CDK6: variants seen among roughly 807,000 people sequenced by gnomAD.
The protein encoded by CDK6 is cyclin dependent kinase 6, also known as cyclin-dependent kinase 6.
In CDK6, 6 loss-of-function variants were observed where a neutral mutation model predicts 37.1. That is an observed-to-expected ratio of 0.16 (90% CI 0.09 to 0.32). CDK6 has a LOEUF of 0.32. Ranked by LOEUF, CDK6 falls within the 10% of genes least tolerant of loss-of-function variation. The pLI is 1.00. For synonymous variants in CDK6, 160 were observed against 161.3 expected, an observed-to-expected ratio of 0.99 and a Z score of 0.06; for missense variants, 224 against 418.9, an observed-to-expected ratio of 0.53 and a Z score of 4.06.
intron 4 of CDK6, among the ~76,000 whole-genome samples, chr7:92,686,206 G>T (rs935636277): frequency 6.6e-6 from 1 of 152,084 alleles, no homozygotes; most frequent in Non-Finnish European, 1.5e-5. Context: ...CTTTAGCGGT[G>T]ATTTCTGATT....
intron 5 of CDK6, among the ~76,000 whole-genome samples, chr7:92,635,311 GA>G (rs1796144861): frequency 6.6e-6 from 1 of 152,174 alleles, no homozygotes; most frequent in African/African-American, 2.4e-5. Flanking sequence ...GAACAAGGGA[GA>G]AGCACTTTAC....
At chr7:92,623,179 T>C (rs375033332) in intron 5 of CDK6, 93 bp from the exon 6 acceptor site, 15 of 854,226 alleles carry the variant, frequency 1.8e-5, no homozygotes, top group African/African-American at 6.8e-5. Context: ...GGAAGCAAAA[T>C]ATTCTTTATG....
intron 2 of CDK6, among the ~76,000 whole-genome samples, chr7:92,814,557 A>C (rs1212382013): frequency 7.3e-6 from 1 of 136,282 alleles, no homozygotes; most frequent in Non-Finnish European, 1.5e-5. Flanking sequence ...CTGAATTGCA[A>C]AAAAAAAAAA....
intron 4 of CDK6, among the ~76,000 whole-genome samples, chr7:92,686,932 G>A (rs1047171689): frequency 6.6e-6 from 1 of 152,058 alleles, no homozygotes; most frequent in African/African-American, 2.4e-5. Flanking sequence ...TTGGAGAACT[G>A]TCTATTCATG....
At chr7:92,799,246 C>T (rs987789221) in intron 2 of CDK6, among the ~76,000 whole-genome samples, 1 of 152,182 alleles carries the variant, frequency 6.6e-6, no homozygotes, top group Non-Finnish European at 1.5e-5. Flanking sequence ...TCTTTCTCTT[C>T]CAGCGAGATC....
intron 3 of CDK6, among the ~76,000 whole-genome samples, chr7:92,726,725 T>C (rs950885945): frequency 6.6e-6 from 1 of 152,216 alleles, no homozygotes; most frequent in Non-Finnish European, 1.5e-5. Context: ...TCAACTGTTT[T>C]AGAATATTAA....
At chr7:92,777,461 G>T (rs1246804997) in intron 2 of CDK6, among the ~76,000 whole-genome samples, 1 of 152,186 alleles carries the variant, frequency 6.6e-6, no homozygotes, top group East Asian at 1.9e-4. Flanking sequence ...GGTCAGACTG[G>T]TCTCAAACTC....
At position 92,834,221 on chromosome 7, in the gene CDK6, C is replaced by T. The variant is rs1444924654; in HGVS notation, c.-367-531G>A. ...GGCCGCAGAATGTGGGTGGGGGCTC[C>T]CAGGACCCTGTAACCCGATGCTGGG... is the stretch of plus-strand genomic sequence containing the variant. On this transcript the variant is annotated intron_variant, in intron 1 of 7. Transcript: ENST00000424848. This position sits in a 1 kb window ranked among gnomAD's most constrained non-coding sequence, Gnocchi z 4.6. 1.3e-5 allele frequency among the ~76,000 whole-genome samples: 2 copies of T among 152,190 alleles called. No homozygotes were observed. The highest frequency in any genetic ancestry group is 1.9e-4 in the East Asian group (1 of 5,156).
At chr7:92,689,528 A>C (rs1304716811) in intron 4 of CDK6, among the ~76,000 whole-genome samples, 2 of 152,232 alleles carry the variant, frequency 1.3e-5, no homozygotes, top group East Asian at 3.8e-4. Flanking sequence ...CCAAATACCC[A>C]TAAAGAAATA....
At chr7:92,721,013 T>G (rs780895016) in intron 4 of CDK6, among the ~76,000 whole-genome samples, 1 of 152,192 alleles carries the variant, frequency 6.6e-6, no homozygotes, top group Non-Finnish European at 1.5e-5. Flanking sequence ...ACAAATGTAA[T>G]AGTTCAATAG....
At chr7:92,725,317 A>G in intron 4 of CDK6, 5 of 985,428 alleles carry the variant, frequency 5.1e-6, no homozygotes, top group Non-Finnish European at 6.0e-6. Flanking sequence ...GGCATTGTAC[A>G]TACAGCTCTG....
intron 3 of CDK6, among the ~76,000 whole-genome samples, chr7:92,738,776 G>A (rs962720580): frequency 6.6e-6 from 1 of 152,068 alleles, no homozygotes; most frequent in Non-Finnish European, 1.5e-5. Context: ...TACAATTTAT[G>A]TATTCAGTGC....
intron 4 of CDK6, among the ~76,000 whole-genome samples, chr7:92,709,000 T>G (rs1177722635): frequency 6.6e-6 from 1 of 152,186 alleles, no homozygotes; most frequent in Non-Finnish European, 1.5e-5. Context: ...AAATATATTT[T>G]TATTTCTTAT....
At chr7:92,658,343 T>C (rs887957270) in intron 5 of CDK6, among the ~76,000 whole-genome samples, 5 of 152,186 alleles carry the variant, frequency 3.3e-5, no homozygotes, top group East Asian at 1.9e-4. Flanking sequence ...ATTGTTTGTA[T>C]TTTTTGACCA....
chr7:92,749,819 C>A (rs546643532), intron 3 of CDK6, among the ~76,000 whole-genome samples: 2 of 152,252 alleles, frequency 1.3e-5, no homozygotes, highest in African/African-American at 4.8e-5. Context: ...GACAAATACG[C>A]AAGTGATTAC....
chr7:92,738,292 T>A (rs1490899818), intron 3 of CDK6, among the ~76,000 whole-genome samples: 5 of 152,102 alleles, frequency 3.3e-5, no homozygotes, highest in Non-Finnish European at 7.4e-5. Flanking sequence ...AACTGAGAAC[T>A]GGGTTAACGA....
intron 4 of CDK6, among the ~76,000 whole-genome samples, chr7:92,698,563 C>T (rs1394035603): frequency 6.6e-6 from 1 of 152,198 alleles, no homozygotes; most frequent in Non-Finnish European, 1.5e-5. Flanking sequence ...AGAAAAAATA[C>T]AGTACGCTCC....
chr7:92,611,578 A>C lies in CDK6; in HGVS notation c.*3562T>G, dbSNP rs761953874. ...CTTTAATAGGCACCACTTGTAAAAG[A>C]AGCAGCTACAGTTTCTTAAACACTC... is the stretch of plus-strand genomic sequence containing the variant. On this transcript the variant is annotated 3_prime_UTR_variant, in exon 8 of 8. Transcript: ENST00000424848. The C allele has an allele frequency of 4.8e-5, 11 of 228,756 alleles. No individual in the cohort carries two copies. Among genetic ancestry groups the C allele is most frequent in the Non-Finnish European group, 6.9e-5 (8 of 115,402 alleles). 14.2% of individuals were successfully genotyped at this position (228,756 alleles called of 1,614,324 possible).
chr7:92,702,206 T>G (rs1004283597), intron 4 of CDK6, among the ~76,000 whole-genome samples: 10 of 150,484 alleles, frequency 6.6e-5, no homozygotes, highest in African/African-American at 2.4e-4. Flanking sequence ...ATATGTTGCA[T>G]TATCAAGTAT....
Sources: allele counts gnomAD v4.1 joint callset (sites outside exome capture counted in the v4.1 genomes callset), GRCh38; gene constraint gnomAD v4.1.1; non-coding constraint Gnocchi (gnomAD v3.1); transcripts MANE v1.5; gene names NCBI Gene and HGNC (gene_info 2026-07-23, HGNC 2026-07-21).